Variants in IFT140 observed in about 807,000 individuals in gnomAD.
The protein encoded by IFT140 is intraflagellar transport protein 140 homolog.
IFT140 carries 133 observed loss-of-function variants against 164.6 expected under a neutral mutation model. The observed-to-expected ratio is 0.81, with a 90% confidence interval of 0.70 to 0.93. IFT140 has a LOEUF of 0.93. Among genes scored for constraint, IFT140 ranks in the 40% least tolerant of loss-of-function variants. The pLI is 0.00. For missense variants in IFT140, 2,045 were observed against 1,972.3 expected, an observed-to-expected ratio of 1.04 and a Z score of -0.70; for synonymous variants, 860 against 817.3, an observed-to-expected ratio of 1.05 and a Z score of -0.89.
chr16:1,568,185 G>T (rs757289608), intron 15 of IFT140, 32 bp downstream of exon 15: 2 of 1,479,332 alleles, frequency 1.4e-6, no homozygotes, highest in South Asian at 1.2e-5. Flanking sequence ...GTGAGGAGGC[G>T]GAGTGGGCGA....
chr16:1,575,897 C>A (rs1021240604), intron 13 of IFT140, among the ~76,000 whole-genome samples: 1 of 152,206 alleles, frequency 6.6e-6, no homozygotes, highest in Non-Finnish European at 1.5e-5. Flanking sequence ...CCTGCACAGC[C>A]CCACCTCTGG....
chr16:1,533,650 C>G lies in IFT140; in HGVS notation c.2400-6854G>C, dbSNP rs1430191793. 6.6e-6 allele frequency: 1 copy of G among 152,346 alleles called. No individual in the cohort carries two copies. Among genetic ancestry groups the G allele is most frequent in the African/African-American group, 2.4e-5 (1 of 41,462 alleles). 9.4% of individuals were successfully genotyped at this position (152,346 alleles called of 1,614,324 possible). On this transcript the variant is annotated intron_variant, in intron 19 of 30. Transcript: ENST00000426508. This position sits in a 1 kb window ranked among gnomAD's most constrained non-coding sequence, Gnocchi z 4.7. Reference sequence around the variant, plus strand: ...GCTACGCCTTCCAGCTCACCAAAAACAGTCTCAAAAACAACCATTTCCTCT... The same window carrying G: ...GCTACGCCTTCCAGCTCACCAAAAAGAGTCTCAAAAACAACCATTTCCTCT...
chr16:1,550,843 C>A (rs2032575343), intron 19 of IFT140, among the ~76,000 whole-genome samples: 1 of 152,258 alleles, frequency 6.6e-6, no homozygotes, highest in African/African-American at 2.4e-5. Flanking sequence ...AGCGCCCTAG[C>A]CGTCTCTGTG....
intron 17 of IFT140, 22 bp from the exon 18 acceptor site, chr16:1,562,138 T>G: frequency 6.5e-7 from 1 of 1,547,188 alleles, no homozygotes; most frequent in Non-Finnish European, 8.7e-7. Flanking sequence ...AGAAAAGTAC[T>G]GTTCTGTTTT....
chr16:1,543,724 A>T (rs2031879170), intron 19 of IFT140, among the ~76,000 whole-genome samples: 1 of 152,148 alleles, frequency 6.6e-6, no homozygotes, highest in African/African-American at 2.4e-5. Flanking sequence ...CAGGGAAAAC[A>T]TGAGACTCTC....
At chr16:1,568,825 GCT>G (rs2033863098) in intron 14 of IFT140, among the ~76,000 whole-genome samples, 1 of 152,146 alleles carries the variant, frequency 6.6e-6, no homozygotes, top group Non-Finnish European at 1.5e-5. Flanking sequence ...TGTGCCTTAT[GCT>G]CTGTTTCCGC....
intron 6 of IFT140, among the ~76,000 whole-genome samples, chr16:1,591,408 A>T (rs1473827817): frequency 6.6e-6 from 1 of 152,150 alleles, no homozygotes; most frequent in African/African-American, 2.4e-5. Context: ...TTATTTAAAA[A>T]TTACAAAAAC....
chr16:1,609,384 GGGCTTGAT>G lies in IFT140; in HGVS notation c.-32+1272_-32+1279del, dbSNP rs140075844. ...GGCTTTGGGTAAGGGAGCTCTCTCA[GGGCTTGAT>G]GGCTTTACCTTTGTCGTGTGCTTCT... On this transcript the variant is annotated intron_variant, in intron 2 of 30. Transcript: ENST00000426508. 9.5e-3 allele frequency among the ~76,000 whole-genome samples: 1,442 copies of G among 152,310 alleles called. 11 individuals carry two copies. Among genetic ancestry groups the G allele is most frequent in the Non-Finnish European group, 0.016 (1,067 of 68,028 alleles).
intron 17 of IFT140, 92 bp from the exon 18 acceptor site, chr16:1,562,208 C>A: frequency 1.7e-6 from 2 of 1,162,798 alleles, no homozygotes; most frequent in Non-Finnish European, 2.3e-6. Context: ...CACACTGCGT[C>A]ACGGTGGGGT....
intron 19 of IFT140, 66 bp from the exon 20 acceptor site, chr16:1,526,862 C>T: frequency 8.0e-6 from 12 of 1,501,180 alleles, no homozygotes; most frequent in Non-Finnish European, 1.1e-5. Flanking sequence ...CCCTACGGCC[C>T]CTTCTCCTGG....
At chr16:1,511,259 C>T (rs1237774743) in intron 30 of IFT140, 109 bp from the exon 31 acceptor site, 1 of 1,023,814 alleles carries the variant, frequency 9.8e-7, no homozygotes, top group Non-Finnish European at 1.5e-6. Flanking sequence ...GGGGGTGCCT[C>T]CGCGCTGGAG....
chr16:1,596,924 A>G (rs1430683811), intron 4 of IFT140, among the ~76,000 whole-genome samples: 1 of 152,112 alleles, frequency 6.6e-6, no homozygotes, highest in Non-Finnish European at 1.5e-5. Context: ...ACACGGTATA[A>G]TTTTATACAG....
intron 13 of IFT140, among the ~76,000 whole-genome samples, chr16:1,573,701 G>T (rs766322620): frequency 5.9e-5 from 9 of 152,080 alleles, no homozygotes; most frequent in Non-Finnish European, 1.2e-4. Context: ...AAGAGCCACA[G>T]TGCCCCTCCA....
Position 1,602,514 on chromosome 16 carries a change from C to T in IFT140, c.225G>A (p.Val75=). 4 of 1,614,158 alleles carry T rather than the reference C, an allele frequency of 2.5e-6. No individual in the cohort carries two copies. Among genetic ancestry groups the T allele is most frequent in the African/African-American group, 1.3e-5 (1 of 75,052 alleles). ...ASLCWHPTRL[V]LAVGWETGEV... is the part of the protein sequence containing the mutation. ...CTCCAGTCTCCCAGCCCACAGCCAG[C>T]ACCAGCCGCGTCGGGTGCCAGCACA... Residue 75 remains valine (V), a synonymous_variant, in exon 4 of 31, where the codon GTG becomes GTA. Transcript: ENST00000426508.
chr16:1,609,542 A>G (rs2036237315), intron 2 of IFT140, among the ~76,000 whole-genome samples: 1 of 152,226 alleles, frequency 6.6e-6, no homozygotes, highest in South Asian at 2.1e-4. Context: ...GGAGGCACCC[A>G]GTATTCCCAC....
At chr16:1,548,625 G>C (rs954912703) in intron 19 of IFT140, among the ~76,000 whole-genome samples, 1 of 152,178 alleles carries the variant, frequency 6.6e-6, no homozygotes, top group Admixed American at 6.5e-5. Context: ...TGAGGAGAGA[G>C]GGAATCTTAA....
At position 1,578,888 on chromosome 16, in the gene IFT140, GTTCT is replaced by G. The variant is rs1453446131; in HGVS notation, c.1524+1867_1524+1870del. Reference sequence around the variant, plus strand: ...CACCACACTCAGCCAATTTTTTTTTGTTCTTTAACAGATGGGTCTCAATATGCGG... The same window carrying G: ...CACCACACTCAGCCAATTTTTTTTTGTTAACAGATGGGTCTCAATATGCGG... On this transcript the variant is annotated intron_variant, in intron 13 of 30. Coordinates refer to ENST00000426508, the MANE Select transcript of IFT140 (RefSeq NM_014714.4). Among the ~76,000 whole-genome samples the G allele has an allele frequency of 2.6e-5, 4 of 151,450 alleles. No individual in the cohort carries two copies. In the East Asian group the frequency reaches 7.7e-4, roughly 29 times the overall value.
At chr16:1,600,152 C>A in intron 4 of IFT140, among the ~76,000 whole-genome samples, 1 of 144,442 alleles carries the variant, frequency 6.9e-6, no homozygotes, top group Non-Finnish European at 1.5e-5. Flanking sequence ...TGTGACCTTA[C>A]CCCCAACCCT....
chr16:1,527,014 G>T, intron 19 of IFT140: 1 of 543,364 alleles, frequency 1.8e-6, no homozygotes, highest in South Asian at 2.8e-5. Flanking sequence ...CAAGAGGCAG[G>T]GGCCGGGTCC....
Sources: allele counts gnomAD v4.1 joint callset (sites outside exome capture counted in the v4.1 genomes callset), GRCh38; gene constraint gnomAD v4.1.1; non-coding constraint Gnocchi (gnomAD v3.1); transcripts MANE v1.5; gene names NCBI Gene and HGNC (gene_info 2026-07-23, HGNC 2026-07-21).